SCHIP1: variants seen among roughly 807,000 people sequenced by gnomAD.
SCHIP1 encodes the protein schwannomin-interacting protein 1.
Under a neutral mutation model 29.7 loss-of-function variants are expected in SCHIP1, and 8 were observed. The observed-to-expected ratio is 0.27, with a 90% confidence interval of 0.16 to 0.49. The LOEUF is 0.49. SCHIP1 is among the 20% of genes least tolerant of loss of function. SCHIP1 has a pLI of 0.99. For synonymous variants in SCHIP1, 76 were observed against 94.9 expected (o/e 0.80, Z 1.16); for missense variants, 193 against 294.6 (o/e 0.66, Z 2.52).
the SCHIP1 span, among the ~76,000 whole-genome samples, chr3:159,278,334 C>T: frequency 2.0e-5 from 3 of 151,788 alleles, no homozygotes; most frequent in Admixed American, 6.6e-5. Context: ...TGGGAAAAAC[C>T]CAGGAGGGAG....
chr3:159,356,142 G>A, the SCHIP1 span, among the ~76,000 whole-genome samples: 16,416 of 151,764 alleles, frequency 0.11, 2,720 homozygotes, highest in African/African-American at 0.36. Context: ...GCACCAGCAT[G>A]GCACATGTAT....
At chr3:159,306,098 A>G in the SCHIP1 span, among the ~76,000 whole-genome samples, 1 of 130,722 alleles carries the variant, frequency 7.6e-6, no homozygotes, top group African/African-American at 2.6e-5. Context: ...CTTGCTGACC[A>G]GGTTTCTTTG....
At chr3:159,387,668 T>C in the SCHIP1 span, among the ~76,000 whole-genome samples, 1 of 152,242 alleles carries the variant, frequency 6.6e-6, no homozygotes, top group African/African-American at 2.4e-5. Flanking sequence ...TGCTAGTGAC[T>C]ATACAACTCT....
At chr3:159,761,090 G>A in the SCHIP1 span, among the ~76,000 whole-genome samples, 3 of 152,234 alleles carry the variant, frequency 2.0e-5, no homozygotes, top group African/African-American at 7.2e-5. Flanking sequence ...GGTGGAGGAG[G>A]AGAAACAGTT....
chr3:159,278,454 C>A, the SCHIP1 span, among the ~76,000 whole-genome samples: 3 of 152,144 alleles, frequency 2.0e-5, no homozygotes, highest in South Asian at 2.1e-4. Flanking sequence ...CATAGAGATA[C>A]TACAATGCAT....
At chr3:159,404,166 C>T in the SCHIP1 span, among the ~76,000 whole-genome samples, 1 of 152,078 alleles carries the variant, frequency 6.6e-6, no homozygotes, top group African/African-American at 2.4e-5. Context: ...GGGTAAGATT[C>T]AGAGATGTGC....
chr3:159,772,821 A>G, the SCHIP1 span, among the ~76,000 whole-genome samples: 1 of 151,980 alleles, frequency 6.6e-6, no homozygotes, highest in Admixed American at 6.6e-5. Flanking sequence ...GCTCACTGCA[A>G]ACTCCGCCTC....
chr3:159,636,317 G>A, the SCHIP1 span, among the ~76,000 whole-genome samples: 1 of 152,070 alleles, frequency 6.6e-6, no homozygotes, highest in African/African-American at 2.4e-5. Context: ...CAAAGTGCTG[G>A]GATTACAGGC....
the SCHIP1 span, among the ~76,000 whole-genome samples, chr3:159,327,868 C>T: frequency 3.9e-5 from 6 of 152,104 alleles, no homozygotes; most frequent in Non-Finnish European, 1.5e-5. Context: ...TTCTTCAAGC[C>T]AGGCCTGGAG....
chr3:159,592,475 A>G, the SCHIP1 span, among the ~76,000 whole-genome samples: 1 of 151,872 alleles, frequency 6.6e-6, no homozygotes, highest in Non-Finnish European at 1.5e-5. Context: ...CTGTCCTTAC[A>G]ATCTCTACCA....
chr3:159,821,309 T>C, the SCHIP1 span, among the ~76,000 whole-genome samples: 1 of 152,174 alleles, frequency 6.6e-6, no homozygotes, highest in African/African-American at 2.4e-5. Flanking sequence ...TTTGTGGTTG[T>C]CTAGGAGAGT....
At chr3:159,658,099 T>A in the SCHIP1 span, among the ~76,000 whole-genome samples, 1 of 152,174 alleles carries the variant, frequency 6.6e-6, no homozygotes, top group African/African-American at 2.4e-5. Context: ...GAAGAATGGG[T>A]GAACAGGAGC....
At chr3:159,455,179 C>A in the SCHIP1 span, among the ~76,000 whole-genome samples, 1 of 152,116 alleles carries the variant, frequency 6.6e-6, no homozygotes, top group Non-Finnish European at 1.5e-5. Context: ...TTGGGGAGGG[C>A]AATCACCTAG....
rs117701396 is a variant in SCHIP1, at chr3:159,888,169, G to A, written c.465+264G>A. On this transcript the variant is annotated intron_variant, in intron 4 of 6. Coordinates refer to ENST00000445224, the Ensembl canonical transcript of SCHIP1. Reference sequence around the variant, plus strand: ...TTAGCAACAATATTAGCTGCCACGGGAATATTTAAATTCCTTTGAAGCGAT... The same window carrying A: ...TTAGCAACAATATTAGCTGCCACGGAAATATTTAAATTCCTTTGAAGCGAT... 2.6e-3 allele frequency: 1,263 copies of A among 494,140 alleles called. 15 individuals carry two copies. In the East Asian group the frequency reaches 0.032, roughly 13 times the overall value. 30.6% of individuals were successfully genotyped at this position (494,140 alleles called of 1,614,324 possible).
At chr3:159,756,471 C>T in the SCHIP1 span, among the ~76,000 whole-genome samples, 190 of 152,258 alleles carry the variant, frequency 1.2e-3, 3 homozygotes, top group African/African-American at 4.4e-3. Context: ...GCCTGGCCCA[C>T]GGCCCACAAA....
intron 5 of SCHIP1, among the ~76,000 whole-genome samples, chr3:159,889,650 CA>C (rs1427111265): frequency 4.6e-5 from 7 of 152,254 alleles, no homozygotes; most frequent in African/African-American, 1.4e-4. Flanking sequence ...AAAAGAAATT[CA>C]AGAGATATGC....
At chr3:159,473,161 TTA>T in the SCHIP1 span, among the ~76,000 whole-genome samples, 1 of 152,224 alleles carries the variant, frequency 6.6e-6, no homozygotes, top group Non-Finnish European at 1.5e-5. Flanking sequence ...AAATTACTTA[TTA>T]AAGTCCATTG....
At chr3:159,842,595 C>G (rs2109028611) in intron 1 of SCHIP1, among the ~76,000 whole-genome samples, 1 of 152,220 alleles carries the variant, frequency 6.6e-6, no homozygotes, top group South Asian at 2.1e-4. Flanking sequence ...CAGCTCGTCC[C>G]TGCTTCCTCT....
At chr3:159,487,527 C>T in the SCHIP1 span, among the ~76,000 whole-genome samples, 2 of 152,152 alleles carry the variant, frequency 1.3e-5, no homozygotes, top group Admixed American at 6.5e-5. Flanking sequence ...AACAGGGGAG[C>T]ACTCAACTGA....
Sources: allele counts gnomAD v4.1 joint callset (sites outside exome capture counted in the v4.1 genomes callset), GRCh38; gene constraint gnomAD v4.1.1; transcripts MANE v1.5; gene names NCBI Gene and HGNC (gene_info 2026-07-23, HGNC 2026-07-21).